GNAO1: variants seen among roughly 807,000 people sequenced by gnomAD.
GNAO1 encodes the protein G protein subunit alpha o1.
For synonymous variants in GNAO1, 164 were observed against 180.7 expected (o/e 0.91, Z 0.74); for missense variants, 166 against 478.7 (o/e 0.35, Z 6.10).
At chr16:56,274,712 G>A (rs2037046687) in intron 2 of GNAO1, among the ~76,000 whole-genome samples, 1 of 152,184 alleles carries the variant, frequency 6.6e-6, no homozygotes, top group Middle Eastern at 3.2e-3. Flanking sequence ...GTCCAGAATA[G>A]CCGAATTTAT....
chr16:56,352,814 C>G (rs556265366), intron 7 of GNAO1: 2 of 152,450 alleles, frequency 1.3e-5, no homozygotes, highest in East Asian at 1.9e-4. Flanking sequence ...GGGCCAGGAA[C>G]TGTGCCCTGC....
chr16:56,317,253 C>T (rs759189870), intron 3 of GNAO1, among the ~76,000 whole-genome samples: 42 of 152,340 alleles, frequency 2.8e-4, no homozygotes, highest in African/African-American at 7.7e-4. Flanking sequence ...ACTTCAGGAA[C>T]GCCTTGCTTA....
intron 2 of GNAO1, among the ~76,000 whole-genome samples, chr16:56,245,274 G>A (rs1312567942): frequency 1.3e-5 from 2 of 152,144 alleles, no homozygotes; most frequent in African/African-American, 2.4e-5. Flanking sequence ...GCCCTGCTTC[G>A]GCTCTGTGCA....
chr16:56,274,076 G>A (rs1446843932), intron 2 of GNAO1, among the ~76,000 whole-genome samples: 1 of 152,136 alleles, frequency 6.6e-6, no homozygotes, highest in African/African-American at 2.4e-5. Context: ...CAGCTTTCCT[G>A]AACTCACTTT....
intron 3 of GNAO1, among the ~76,000 whole-genome samples, chr16:56,328,008 G>A (rs894612541): frequency 1.3e-5 from 2 of 152,188 alleles, no homozygotes; most frequent in African/African-American, 2.4e-5. Context: ...GTTGGCATGA[G>A]ATATTTTTGC....
At chr16:56,258,285 G>C (rs1295452248) in intron 2 of GNAO1, among the ~76,000 whole-genome samples, 1 of 152,194 alleles carries the variant, frequency 6.6e-6, no homozygotes, top group Non-Finnish European at 1.5e-5. Flanking sequence ...TGGTGGCCAA[G>C]TAGTCAGTTA....
rs1241629656 is a variant in GNAO1, at chr16:56,351,026, GCACA to G, written c.724-349_724-346del. Among the ~76,000 whole-genome samples the G allele has an allele frequency of 9.9e-5, 15 of 151,736 alleles. No individual in the cohort carries two copies. The highest frequency in any genetic ancestry group is 2.4e-4 in the African/African-American group (10 of 41,252). ...ACACAGGCACACATAACAGGTGCATGCACACACACACAGGCACATGCACACAGCC... is the reference window on the plus strand; with the variant it reads ...ACACAGGCACACATAACAGGTGCATGCACACACAGGCACATGCACACAGCC... On this transcript the variant is annotated intron_variant, in intron 6 of 8. Coordinates refer to ENST00000262493, the MANE Select transcript of GNAO1 (RefSeq NM_020988.3). This position sits in a 1 kb window ranked among gnomAD's most constrained non-coding sequence, Gnocchi z 6.1.
At chr16:56,279,584 C>A (rs1032210885) in intron 3 of GNAO1, among the ~76,000 whole-genome samples, 41 of 152,180 alleles carry the variant, frequency 2.7e-4, no homozygotes, top group Non-Finnish European at 1.2e-4. Flanking sequence ...CACTATGCTT[C>A]ATCTTGTCCA....
chr16:56,230,166 T>C (rs1477467656), intron 2 of GNAO1, among the ~76,000 whole-genome samples: 1 of 152,186 alleles, frequency 6.6e-6, no homozygotes, highest in Non-Finnish European at 1.5e-5. Flanking sequence ...CTGCATGTAC[T>C]GCGGGAGTGG....
intron 3 of GNAO1, among the ~76,000 whole-genome samples, chr16:56,295,881 A>C (rs2037283304): frequency 6.6e-6 from 1 of 152,238 alleles, no homozygotes; most frequent in African/African-American, 2.4e-5. Flanking sequence ...TTGCACAGGC[A>C]AGGCTCGGCT....
chr16:56,312,564 C>T (rs1341756382), intron 3 of GNAO1, among the ~76,000 whole-genome samples: 4 of 152,248 alleles, frequency 2.6e-5, no homozygotes, highest in African/African-American at 7.2e-5. Flanking sequence ...GGTCCCTCCT[C>T]GACCCCAACT....
At chr16:56,221,562 A>G (rs1322191312) in intron 2 of GNAO1, among the ~76,000 whole-genome samples, 3 of 151,458 alleles carry the variant, frequency 2.0e-5, no homozygotes, top group African/African-American at 7.3e-5. Context: ...AGGCAGGAGA[A>G]TCGCTTGAAC....
At chr16:56,235,578 G>A (rs2036630667) in intron 2 of GNAO1, among the ~76,000 whole-genome samples, 1 of 152,240 alleles carries the variant, frequency 6.6e-6, no homozygotes, top group South Asian at 2.1e-4. Context: ...CTAGGGGAAT[G>A]CCTGCTGAGA....
intron 2 of GNAO1, chr16:56,213,131 T>C (rs1276199545): frequency 5.1e-6 from 2 of 391,546 alleles, no homozygotes; most frequent in Non-Finnish European, 9.0e-6. Context: ...CTCTAGGAAT[T>C]CTTCCAGGGA....
chr16:56,216,911 T>G (rs2036441500), intron 2 of GNAO1, among the ~76,000 whole-genome samples: 1 of 152,224 alleles, frequency 6.6e-6, no homozygotes, highest in Non-Finnish European at 1.5e-5. Context: ...ATGGGAATAA[T>G]GATAGCACTT....
intron 6 of GNAO1, chr16:56,346,322 C>T (rs970663822): frequency 2.0e-6 from 2 of 985,272 alleles, no homozygotes; most frequent in East Asian, 2.3e-4. Flanking sequence ...GCGAGTGACA[C>T]GTGTGGGTTT....
chr16:56,334,888 C>T (rs2037725825), intron 5 of GNAO1, 31 bp downstream of exon 5: 2 of 1,611,726 alleles, frequency 1.2e-6, no homozygotes, highest in Non-Finnish European at 1.7e-6. Context: ...CAGGCCCTGG[C>T]GAGGGCTAAG....
rs192217554 is a variant in GNAO1 at position 56,197,393 on chromosome 16, C to G, written c.161+4777C>G. ...CAAGAGTGCGAACGGAATGTCAGAT[C>G]AAGTAGCAGATGAGTTCTCTTTTCC... is the stretch of plus-strand genomic sequence containing the variant. On this transcript the variant is annotated intron_variant, in intron 2 of 8. Transcript: ENST00000262493. 9.6e-4 allele frequency among the ~76,000 whole-genome samples: 146 copies of G among 152,310 alleles called. 1 individual carries two copies. Among genetic ancestry groups the G allele is most frequent in the Middle Eastern group, 3.4e-3 (1 of 294 alleles).
At chr16:56,320,120 G>A (rs1167180319) in intron 3 of GNAO1, among the ~76,000 whole-genome samples, 2 of 152,162 alleles carry the variant, frequency 1.3e-5, no homozygotes, top group Non-Finnish European at 2.9e-5. Context: ...AACCTCTCCT[G>A]GCCTCCTGAT....
Sources: allele counts gnomAD v4.1 joint callset (sites outside exome capture counted in the v4.1 genomes callset), GRCh38; gene constraint gnomAD v4.1.1; non-coding constraint Gnocchi (gnomAD v3.1); transcripts MANE v1.5; gene names NCBI Gene and HGNC (gene_info 2026-07-23, HGNC 2026-07-21).